Variants in PDE1C observed in about 807,000 individuals in gnomAD.
PDE1C encodes dual specificity calcium/calmodulin-dependent 3',5'-cyclic nucleotide phosphodiesterase 1C.
A neutral mutation model predicts 93.1 loss-of-function variants in PDE1C; 62 were observed. The ratio of observed to expected loss-of-function variants is 0.67; its 90% CI spans 0.54 to 0.82. The LOEUF (loss-of-function observed/expected upper bound fraction) is 0.82, where lower values mean the gene tolerates loss of function less well. PDE1C is among the 40% of genes least tolerant of loss of function. The pLI, the probability that PDE1C is intolerant of heterozygous loss-of-function variation, is 0.00. For synonymous variants in PDE1C, 325 were observed against 310.1 expected (o/e 1.05, Z -0.50); for missense variants, 742 against 884.6 (o/e 0.84, Z 2.04).
chr7:32,077,333 AT>A (rs2128733233), intron 3 of PDE1C, among the ~76,000 whole-genome samples: 1 of 152,318 alleles, frequency 6.6e-6, no homozygotes, highest in African/African-American at 2.4e-5. Flanking sequence ...CATCTCATCC[AT>A]CTGGCAGGAC....
intron 1 of PDE1C, among the ~76,000 whole-genome samples, chr7:32,248,982 T>A (rs1357524297): frequency 6.6e-6 from 1 of 152,050 alleles, no homozygotes; most frequent in East Asian, 1.9e-4. Context: ...AGGGCTGTCA[T>A]GTAGAAGAGG....
At chr7:31,895,432 C>G (rs546534598) in intron 2 of PDE1C, among the ~76,000 whole-genome samples, 21 of 152,200 alleles carry the variant, frequency 1.4e-4, no homozygotes, top group South Asian at 4.2e-4. Flanking sequence ...AATACAAGAC[C>G]CTGCTGTCTT....
At chr7:31,705,986 A>ATTTTTTTTTTTTTTT in the PDE1C span, among the ~76,000 whole-genome samples, 26 of 52,510 alleles carry the variant, frequency 5.0e-4, 4 homozygotes, top group African/African-American at 1.9e-3. Flanking sequence ...CAGACCAGTA[A>ATTTTTTTTTTTTTTT]TTTTTTTTTT....
intron 3 of PDE1C, among the ~76,000 whole-genome samples, chr7:32,083,583 G>A (rs1463106754): frequency 1.3e-5 from 2 of 152,198 alleles, no homozygotes; most frequent in Admixed American, 1.3e-4. Context: ...AGCAAAAAAT[G>A]TTAAGGGCAG....
chr7:32,303,295 G>A (rs1386588409), upstream of PDE1C, among the ~76,000 whole-genome samples: 1 of 152,182 alleles, frequency 6.6e-6, no homozygotes, highest in Non-Finnish European at 1.5e-5. Flanking sequence ...CTCCCTTCAA[G>A]AAGGGAAGCA....
intron 3 of PDE1C, among the ~76,000 whole-genome samples, chr7:32,086,849 T>C (rs1335748157): frequency 6.6e-6 from 1 of 151,942 alleles, no homozygotes. Context: ...ATACAAAAAT[T>C]AATTCAAGAC....
the PDE1C span, chr7:31,652,681 C>G: frequency 1.9e-6 from 3 of 1,613,830 alleles, no homozygotes; most frequent in African/African-American, 2.7e-5. Context: ...GCTCCCTGTT[C>G]AGGTGGGACC....
chr7:31,681,394 T>G, the PDE1C span, among the ~76,000 whole-genome samples: 116 of 10,028 alleles, frequency 0.012, no homozygotes, highest in South Asian at 0.044. Context: ...GATGGATGGA[T>G]GGATGGATGG....
At chr7:32,386,330 T>C (rs1249612340) in intron 1 of PDE1C, among the ~76,000 whole-genome samples, 4 of 96,556 alleles carry the variant, frequency 4.1e-5, no homozygotes, top group Non-Finnish European at 8.1e-5. Flanking sequence ...CCTGACCTTT[T>C]GCTATGCCTA....
Position 31,865,062 on chromosome 7 carries a change from G to C in PDE1C, c.630C>G (p.Val210=). 6.2e-7 allele frequency: 1 copy of C among 1,614,084 alleles called. No individual in the cohort carries two copies. The change falls in exon 7 of 18, where the codon GTC becomes GTG. Residue 210 remains valine, a synonymous_variant. Coordinates refer to ENST00000396191, the MANE Select transcript of PDE1C (RefSeq NM_001191057.4). ...CCACTTCCAGGGCCTCCACAAATGA[G>C]ACAAGTGCAGAAATGGGGATCTGAA... ...SRFKIPISAL[V]SFVEALEVGY...
At chr7:31,878,069 T>G in intron 4 of PDE1C, 33 bp from the exon 5 acceptor site, 4 of 1,483,454 alleles carry the variant, frequency 2.7e-6, no homozygotes, top group Non-Finnish European at 3.8e-6. Flanking sequence ...TGCAACATGA[T>G]ATCTTATAAA....
intron 3 of PDE1C, among the ~76,000 whole-genome samples, chr7:32,109,201 C>T (rs1798510647): frequency 6.6e-6 from 1 of 151,478 alleles, no homozygotes; most frequent in Non-Finnish European, 1.5e-5. Flanking sequence ...TTATGATGGC[C>T]AGAAAAACTA....
chr7:32,069,195 C>T (rs893949791), intron 1 of PDE1C, among the ~76,000 whole-genome samples: 8 of 152,188 alleles, frequency 5.3e-5, no homozygotes, highest in Non-Finnish European at 2.9e-5. Flanking sequence ...CACATACTAC[C>T]TTAATGCTTC....
At chr7:32,347,980 T>C (rs1783887256) in intron 1 of PDE1C, among the ~76,000 whole-genome samples, 1 of 152,166 alleles carries the variant, frequency 6.6e-6, no homozygotes, top group African/African-American at 2.4e-5. Flanking sequence ...AACCGTACAT[T>C]TAACCACACA....
At chr7:32,396,282 C>T (rs1330818219) in intron 1 of PDE1C, among the ~76,000 whole-genome samples, 2 of 152,056 alleles carry the variant, frequency 1.3e-5, no homozygotes, top group Non-Finnish European at 2.9e-5. Context: ...AATTCAAGAG[C>T]AGCCAGGGCA....
Position 32,400,167 on chromosome 7 carries a change from C to T in PDE1C, c.310+27655G>A, listed in dbSNP as rs541858108. Among the ~76,000 whole-genome samples, 3 of 152,200 alleles carry T rather than the reference C, an allele frequency of 2.0e-5. No homozygotes were observed. The East Asian group carries it at 5.8e-4, about 29-fold the overall frequency. ...ATTCACACCGTATTATTATTAATTC[C>T]CCAACAAGAGTGAAAGCCCTCAACA... On this transcript the variant is annotated intron_variant, in intron 1 of 1. Transcript: ENST00000672256.
At chr7:32,419,066 T>C (rs1040611123) in intron 1 of PDE1C, among the ~76,000 whole-genome samples, 8 of 152,224 alleles carry the variant, frequency 5.3e-5, no homozygotes, top group Non-Finnish European at 1.2e-4. Context: ...GGCAACCTGT[T>C]AGTTTAATTA....
the PDE1C span, among the ~76,000 whole-genome samples, chr7:31,637,471 A>G: frequency 6.6e-6 from 1 of 151,988 alleles, no homozygotes; most frequent in Admixed American, 6.6e-5. Context: ...TTTGATTTGC[A>G]TTTCTCTGAT....
intron 1 of PDE1C, among the ~76,000 whole-genome samples, chr7:32,267,572 TCACACACACACACA>T (rs1170613406): frequency 8.5e-6 from 1 of 117,156 alleles, no homozygotes; most frequent in African/African-American, 2.9e-5. Flanking sequence ...TCTCTCTCTC[TCACACACACACACA>T]CTCTCTCTCT....
Sources: allele counts gnomAD v4.1 joint callset (sites outside exome capture counted in the v4.1 genomes callset), GRCh38; gene constraint gnomAD v4.1.1; transcripts MANE v1.5; gene names NCBI Gene and HGNC (gene_info 2026-07-23, HGNC 2026-07-21).